The following STIMATE variants were observed in gnomAD, a reference collection of about 807,000 sequenced individuals.
STIMATE encodes STIM activating enhancer.
A neutral mutation model predicts 36.7 loss-of-function variants in STIMATE; 15 were observed. That is an observed-to-expected ratio of 0.41 (90% CI 0.27 to 0.63). The LOEUF (loss-of-function observed/expected upper bound fraction) is 0.63. Ranked by LOEUF, STIMATE falls within the 20% of genes least tolerant of loss-of-function variation. The pLI is 0.32. For missense variants in STIMATE, 305 were observed against 397.3 expected, an observed-to-expected ratio of 0.77 and a Z score of 1.98; for synonymous variants, 163 against 162.3, an observed-to-expected ratio of 1.00 and a Z score of -0.03.
At chr3:52,872,420 G>C (rs1163444812) in intron 1 of STIMATE, among the ~76,000 whole-genome samples, 3 of 152,140 alleles carry the variant, frequency 2.0e-5, no homozygotes, top group Non-Finnish European at 4.4e-5. Flanking sequence ...TTCTGTGATG[G>C]GTTCTCCCAG....
At chr3:52,880,165 C>T (rs1472420002) in intron 1 of STIMATE, among the ~76,000 whole-genome samples, 2 of 152,174 alleles carry the variant, frequency 1.3e-5, no homozygotes, top group Admixed American at 1.3e-4. Context: ...GCTTAGGGCC[C>T]GGGTGGGGCC....
At position 52,849,796 on chromosome 3, in the gene STIMATE, T is replaced by C. The variant is rs991762980; in HGVS notation, c.423A>G (p.Glu141=). Residue 141 remains glutamate (E), a synonymous_variant, in exon 4 of 8, where the codon GAA becomes GAG. Transcript: ENST00000355083. ...CCGGCATCCACAGCATATTACCATA[T>C]TCGCCGAAGCGCAGGGACTCCCACT... is the stretch of plus-strand genomic sequence containing the variant. The part of the protein sequence containing the change: ...WQQWESLRFG[E]YGDPLQCGAW... 2 of 1,612,616 alleles carry C rather than the reference T, an allele frequency of 1.2e-6. No individual in the cohort carries two copies. The highest frequency in any genetic ancestry group is 3.3e-5 in the Admixed American group (2 of 59,986).
chr3:52,840,229 A>G lies in STIMATE; in HGVS notation c.*265T>C, dbSNP rs1298832730. On this transcript the variant is annotated 3_prime_UTR_variant, in exon 8 of 8. Coordinates refer to ENST00000355083, the MANE Select transcript of STIMATE (RefSeq NM_198563.5). ...CTGTCTGGGACGACAACAAACAAACACAGCTCCTTCCTTGCATATTTGGTC... is the reference window on the plus strand; with the variant it reads ...CTGTCTGGGACGACAACAAACAAACGCAGCTCCTTCCTTGCATATTTGGTC... The G allele has an allele frequency of 3.3e-6, 1 of 299,274 alleles. No individual in the cohort carries two copies. The highest frequency in any genetic ancestry group is 6.2e-6 in the Non-Finnish European group (1 of 160,462). 18.5% of individuals were successfully genotyped at this position (299,274 alleles called of 1,614,324 possible).
Position 52,852,609 on chromosome 3 carries a change from C to T in STIMATE, c.299G>A (p.Cys100Tyr). Residue 100 changes from cysteine (C) to tyrosine (Y), a missense_variant, in exon 3 of 8, where the codon TGT (cysteine) becomes TAT (tyrosine). Physicochemically the swap from Cys to Tyr is radical, Grantham distance 194. Transcript: ENST00000355083. Reference protein sequence around the residue: ...YLADLTEEDPCSLYLINFLLD... With the variant: ...YLADLTEEDPYSLYLINFLLD... ...TCAAATAGGGAACACTTACAGTGAA[C>T]AAGGGTCCTCTTCAGTGAGATCTGC... 6.2e-7 allele frequency: 1 copy of T among 1,613,988 alleles called. No homozygotes were observed. The highest frequency in any genetic ancestry group is 8.5e-7 in the Non-Finnish European group (1 of 1,179,936).
chr3:52,838,616 A>G lies in STIMATE; in HGVS notation c.*1878T>C, dbSNP rs1700746579. 1 of 152,194 alleles carries G rather than the reference A, an allele frequency of 6.6e-6. No homozygotes were observed. Among genetic ancestry groups the G allele is most frequent in the South Asian group, 2.1e-4 (1 of 4,818 alleles). The allele number at this position is 152,194 out of a possible 1,614,324, so 9.4% of individuals were successfully genotyped here. A position where few individuals can be genotyped will look rare whatever the true frequency, so the allele number is the denominator to read the frequency against. The stretch of plus-strand genomic sequence containing the variant: ...GAGCACAAAGTCAATCCGAGCAGGA[A>G]TGACACCAGCAAAGTTGCCTCCTAC... On this transcript the variant is annotated 3_prime_UTR_variant, in exon 8 of 8. Transcript: ENST00000355083.
intron 1 of STIMATE, among the ~76,000 whole-genome samples, chr3:52,879,170 CAG>C (rs1173543629): frequency 6.6e-6 from 1 of 152,182 alleles, no homozygotes; most frequent in Non-Finnish European, 1.5e-5. Flanking sequence ...AGTTGGCACC[CAG>C]AGTCTTCTCC....
At position 52,840,545 on chromosome 3, in the gene STIMATE, G is replaced by A. The variant is rs766075564; in HGVS notation, c.834C>T (p.Thr278=). Residue 278 remains threonine (T), a synonymous_variant, in exon 8 of 8, where the codon ACC becomes ACT. Transcript: ENST00000355083. ...SDVEEDLRRL[T]PLKPVKKKKH... ...TCTTTTTCTTCACAGGCTTGAGGGGGGTCAGTCTGCGGAGGTCCTCCTCCA... is the reference window on the plus strand; with the variant it reads ...TCTTTTTCTTCACAGGCTTGAGGGGAGTCAGTCTGCGGAGGTCCTCCTCCA... 5 of 1,613,868 alleles carry A rather than the reference G, an allele frequency of 3.1e-6. No individual in the cohort carries two copies. In the African/African-American group the frequency reaches 5.3e-5, roughly 17 times the overall value.
chr3:52,893,584 G>T (rs1345952872), intron 1 of STIMATE, among the ~76,000 whole-genome samples: 2 of 152,148 alleles, frequency 1.3e-5, no homozygotes, highest in Non-Finnish European at 2.9e-5. Flanking sequence ...ACACAGGGAG[G>T]CCGGTTTACC....
chr3:52,866,068 G>A (rs1301277486), intron 1 of STIMATE, among the ~76,000 whole-genome samples: 4 of 152,188 alleles, frequency 2.6e-5, no homozygotes, highest in African/African-American at 7.2e-5. Flanking sequence ...GAATGTCCCT[G>A]CCATGTGCTA....
chr3:52,890,224 G>A (rs946010879), intron 1 of STIMATE, among the ~76,000 whole-genome samples: 7 of 152,220 alleles, frequency 4.6e-5, no homozygotes, highest in African/African-American at 1.7e-4. Context: ...CTCAAGGACT[G>A]GGGACCAGTC....
At chr3:52,863,643 G>A (rs1258308150) in intron 1 of STIMATE, among the ~76,000 whole-genome samples, 1 of 152,014 alleles carries the variant, frequency 6.6e-6, no homozygotes. Flanking sequence ...CCTAAAAGTC[G>A]ACAGTCCAAA....
At chr3:52,846,842 CCA>C in intron 4 of STIMATE, among the ~76,000 whole-genome samples, 1 of 152,170 alleles carries the variant, frequency 6.6e-6, no homozygotes, top group East Asian at 1.9e-4. Flanking sequence ...CAGATGTCCC[CCA>C]CAGTCTCCTC....
At position 52,839,113 on chromosome 3, in the gene STIMATE, A is replaced by T. The variant is rs1181609746; in HGVS notation, c.*1381T>A. The T allele has an allele frequency of 1.3e-5, 2 of 152,222 alleles. No homozygotes were observed. The highest frequency in any genetic ancestry group is 4.8e-5 in the African/African-American group (2 of 41,444). The allele number at this position is 152,222 out of a possible 1,614,324, so 9.4% of individuals were successfully genotyped here. On this transcript the variant is annotated 3_prime_UTR_variant, in exon 8 of 8. Transcript: ENST00000355083. ...ACAGGGGCCTGTGGCCATGCTGAGG[A>T]GTAGTGACCATTCCCCAGGGAGGGG...
At chr3:52,847,788 A>C (rs1473686277) in intron 4 of STIMATE, among the ~76,000 whole-genome samples, 1 of 152,208 alleles carries the variant, frequency 6.6e-6, no homozygotes, top group Non-Finnish European at 1.5e-5. Context: ...AGCTGACTTT[A>C]AGACAGGGAG....
chr3:52,857,414 G>C (rs1426653863), intron 1 of STIMATE, among the ~76,000 whole-genome samples: 1 of 152,118 alleles, frequency 6.6e-6, no homozygotes, highest in Non-Finnish European at 1.5e-5. Flanking sequence ...TTGGGGGCTG[G>C]AACTCAGGAA....
At chr3:52,843,096 C>T (rs1460268561) in intron 6 of STIMATE, 136 bp from the exon 7 acceptor site, 1 of 1,416,156 alleles carries the variant, frequency 7.1e-7, no homozygotes, top group Non-Finnish European at 9.4e-7. Flanking sequence ...TCCAATCACC[C>T]TGCTCTCTCC....
intron 1 of STIMATE, among the ~76,000 whole-genome samples, chr3:52,892,336 G>C (rs993120598): frequency 4.6e-5 from 7 of 152,190 alleles, no homozygotes; most frequent in Non-Finnish European, 5.9e-5. Flanking sequence ...GATAAATCAA[G>C]CAGCAGATTG....
intron 5 of STIMATE, among the ~76,000 whole-genome samples, chr3:52,844,394 C>T (rs1013162008): frequency 1.3e-5 from 2 of 152,172 alleles, no homozygotes; most frequent in African/African-American, 4.8e-5. Context: ...GCGGAAGCCA[C>T]GGTTGGGGAG....
At chr3:52,850,713 A>G (rs1700983595) in intron 3 of STIMATE, among the ~76,000 whole-genome samples, 1 of 150,728 alleles carries the variant, frequency 6.6e-6, no homozygotes. Flanking sequence ...GCAGTCAAGC[A>G]TAAGTAATAT....
Sources: allele counts gnomAD v4.1 joint callset (sites outside exome capture counted in the v4.1 genomes callset), GRCh38; gene constraint gnomAD v4.1.1; transcripts MANE v1.5; gene names NCBI Gene and HGNC (gene_info 2026-07-23, HGNC 2026-07-21).